The following NRXN3 variants were observed in gnomAD, a reference collection of about 807,000 sequenced individuals.
NRXN3 encodes the protein neurexin 3.
Under a neutral mutation model 137.6 loss-of-function variants are expected in NRXN3, and 32 were observed. That is an observed-to-expected ratio of 0.23 (90% CI 0.18 to 0.31). NRXN3 has a LOEUF of 0.31. NRXN3 is among the 10% of genes least tolerant of loss of function. The pLI is 1.00. For missense variants in NRXN3, 1,574 were observed against 2,062.5 expected (o/e 0.76, Z 4.59); for synonymous variants, 798 against 784.5 (o/e 1.02, Z -0.29).
chr14:79,074,851 A>C (rs1387000269), intron 15 of NRXN3: 1 of 152,134 alleles, frequency 6.6e-6, no homozygotes, highest in Admixed American at 6.5e-5. Flanking sequence ...GTTTTGCTTG[A>C]CTGGAAACAA....
intron 8 of NRXN3, among the ~76,000 whole-genome samples, chr14:78,794,881 C>T (rs2098816550): frequency 6.6e-6 from 1 of 151,718 alleles, no homozygotes; most frequent in Admixed American, 6.6e-5. Flanking sequence ...TAGAGACCAG[C>T]CTTGGCAACA....
intron 16 of NRXN3, among the ~76,000 whole-genome samples, chr14:79,546,325 G>A (rs907048164): frequency 2.6e-5 from 4 of 152,072 alleles, no homozygotes; most frequent in African/African-American, 9.7e-5. Context: ...ATAAAATAAG[G>A]TGCCAGATAC....
intron 8 of NRXN3, among the ~76,000 whole-genome samples, chr14:78,801,788 A>G (rs924519697): frequency 6.6e-5 from 10 of 152,114 alleles, no homozygotes; most frequent in Admixed American, 3.3e-4. Flanking sequence ...TGCTTCTTTC[A>G]TTACAAACCC....
intron 6 of NRXN3, among the ~76,000 whole-genome samples, chr14:78,703,104 G>A (rs1485086585): frequency 6.6e-6 from 1 of 152,188 alleles, no homozygotes; most frequent in Admixed American, 6.5e-5. Flanking sequence ...ATTTAATAAA[G>A]ATATGAACAT....
intron 1 of NRXN3, among the ~76,000 whole-genome samples, chr14:78,178,263 C>G (rs1321601516): frequency 6.6e-6 from 1 of 152,136 alleles, no homozygotes; most frequent in African/African-American, 2.4e-5. Context: ...AAGAGCTGGC[C>G]CATTTGCCAG....
At chr14:78,387,983 A>G (rs1176788287) in intron 4 of NRXN3, among the ~76,000 whole-genome samples, 1 of 152,092 alleles carries the variant, frequency 6.6e-6, no homozygotes, top group Non-Finnish European at 1.5e-5. Context: ...CTCCCTCCTC[A>G]ACAAAGTGTA....
chr14:79,238,755 G>A (rs887212642), intron 15 of NRXN3, among the ~76,000 whole-genome samples: 8 of 152,066 alleles, frequency 5.3e-5, no homozygotes, highest in African/African-American at 1.4e-4. Context: ...AATACTGAGT[G>A]AAAAGTTTAT....
In NRXN3 at chr14:78,957,368, A is replaced by G. The variant is rs780493926; in HGVS notation, c.2395+7A>G. ...GATGATGATGTGGCTGAGGGTGAGT[A>G]TGACTATGGTGAAATTCGTCTGTCT... On this transcript the variant is annotated splice_region_variant and intron_variant, in intron 11 of 20. Transcript: ENST00000335750. 7.4e-6 allele frequency: 12 copies of G among 1,610,776 alleles called. No individual in the cohort carries two copies. The highest frequency in any genetic ancestry group is 3.4e-6 in the Non-Finnish European group (4 of 1,179,420).
At chr14:78,343,235 C>T (rs1278898903) in intron 4 of NRXN3, among the ~76,000 whole-genome samples, 1 of 152,172 alleles carries the variant, frequency 6.6e-6, no homozygotes, top group African/African-American at 2.4e-5. Flanking sequence ...ATCAACACCA[C>T]ACTATAAACT....
intron 17 of NRXN3, among the ~76,000 whole-genome samples, chr14:79,690,038 G>T (rs1194817107): frequency 1.3e-5 from 2 of 152,148 alleles, no homozygotes. Flanking sequence ...AACAATGGCA[G>T]ATACAGAAAA....
At chr14:78,291,771 T>C (rs923795845) in intron 3 of NRXN3, among the ~76,000 whole-genome samples, 2 of 152,206 alleles carry the variant, frequency 1.3e-5, no homozygotes, top group Admixed American at 1.3e-4. Flanking sequence ...TTGCAGCAAT[T>C]AGTGACATTT....
At chr14:79,154,266 C>G (rs1436658451) in intron 15 of NRXN3, among the ~76,000 whole-genome samples, 1 of 151,824 alleles carries the variant, frequency 6.6e-6, no homozygotes, top group Non-Finnish European at 1.5e-5. Flanking sequence ...GTTGTCAATG[C>G]CCAATCACAT....
At chr14:79,626,760 A>C (rs928989964) in intron 16 of NRXN3, among the ~76,000 whole-genome samples, 1 of 152,212 alleles carries the variant, frequency 6.6e-6, no homozygotes, top group African/African-American at 2.4e-5. Flanking sequence ...ATTTCTCAGC[A>C]CGATTAGCCC....
intron 4 of NRXN3, among the ~76,000 whole-genome samples, chr14:78,605,456 C>A (rs1352783037): frequency 6.6e-6 from 1 of 152,060 alleles, no homozygotes; most frequent in Non-Finnish European, 1.5e-5. Context: ...GGAAAAATAT[C>A]CAAGTGAATA....
At chr14:78,751,976 C>T (rs1595509704) in intron 8 of NRXN3, among the ~76,000 whole-genome samples, 1 of 152,158 alleles carries the variant, frequency 6.6e-6, no homozygotes, top group African/African-American at 2.4e-5. Context: ...GGCAGAATCC[C>T]AGTTGTTAGG....
In NRXN3 at chr14:79,715,235, G is replaced by A. The variant is rs368019308; in HGVS notation, c.4014+17298G>A. Among the ~76,000 whole-genome samples the A allele has an allele frequency of 1.4e-3, 217 of 152,292 alleles. 1 individual carries two copies. Among genetic ancestry groups the A allele is most frequent in the African/African-American group, 5.0e-3 (209 of 41,544 alleles). ...CCCAAAGAGCTGGGATTACAGGCGT[G>A]AGCCACTGTGCCCAGCCTCTTAAAT... On this transcript the variant is annotated intron_variant, in intron 19 of 20. Coordinates refer to ENST00000335750, the MANE Select transcript of NRXN3 (RefSeq NM_001330195.2).
intron 18 of NRXN3, among the ~76,000 whole-genome samples, chr14:79,696,207 T>G (rs1027647155): frequency 3.9e-5 from 6 of 152,114 alleles, no homozygotes; most frequent in African/African-American, 1.4e-4. Flanking sequence ...GAAGACCATG[T>G]AATAGTGGTA....
At chr14:78,265,224 A>AT (rs1243386127) in intron 2 of NRXN3, among the ~76,000 whole-genome samples, 1 of 151,950 alleles carries the variant, frequency 6.6e-6, no homozygotes, top group South Asian at 2.1e-4. Context: ...TTGCTTTACA[A>AT]TTTTTTTTCA....
chr14:78,783,569 T>G (rs1041012435), intron 8 of NRXN3, among the ~76,000 whole-genome samples: 1 of 152,162 alleles, frequency 6.6e-6, no homozygotes, highest in Non-Finnish European at 1.5e-5. Context: ...AATCATACCA[T>G]GGTAATGTAA....
Sources: gnomAD v4.1 joint callset for allele counts (sites outside exome capture counted in the v4.1 genomes callset) on GRCh38, gnomAD v4.1.1 for gene constraint, MANE v1.5 for transcripts, NCBI Gene and HGNC (gene_info 2026-07-23, HGNC 2026-07-21) for gene names.